DOCK7: variants seen among roughly 807,000 people sequenced by gnomAD.
DOCK7 encodes dedicator of cytokinesis 7.
DOCK7 carries 138 observed loss-of-function variants against 271.0 expected under a neutral mutation model. The observed-to-expected ratio is 0.51, with a 90% confidence interval of 0.44 to 0.59. DOCK7 has a LOEUF of 0.59. DOCK7 is among the 20% of genes least tolerant of loss of function. DOCK7 has a pLI of 0.00. For synonymous variants in DOCK7, 823 were observed against 876.1 expected (o/e 0.94, Z 1.07); for missense variants, 2,066 against 2,592.4 (o/e 0.80, Z 4.41).
At chr1:62,670,289 A>ACTGGCAGGCAGCT (rs1659821067) in intron 1 of DOCK7, among the ~76,000 whole-genome samples, 1 of 152,268 alleles carries the variant, frequency 6.6e-6, no homozygotes, top group Non-Finnish European at 1.5e-5. Context: ...ACGGCGCAGG[A>ACTGGCAGGCAGCT]CTGGCAGGCA....
At chr1:62,486,580 C>T (rs115429414) in intron 43 of DOCK7, 22 of 152,020 alleles carry the variant, frequency 1.4e-4, no homozygotes, top group African/African-American at 3.9e-4. Context: ...GCATTTTTTT[C>T]GGGTAAGATT....
chr1:62,533,778 T>G lies in DOCK7; in HGVS notation c.3611+1715A>C, dbSNP rs569020248. Among the ~76,000 whole-genome samples, 4 of 152,324 alleles carry G rather than the reference T, an allele frequency of 2.6e-5. No homozygotes were observed. In the East Asian group the frequency reaches 5.8e-4, roughly 22 times the overall value. Reference sequence around the variant, plus strand: ...TGCCCCTGACATACTGCTAAGAACTTGACATACCTCCTCTTTTATTCATTC... The same window carrying G: ...TGCCCCTGACATACTGCTAAGAACTGGACATACCTCCTCTTTTATTCATTC... On this transcript the variant is annotated intron_variant, in intron 29 of 49. Transcript: ENST00000635253.
chr1:62,561,079 G>T (rs1383941916), intron 19 of DOCK7, among the ~76,000 whole-genome samples: 1 of 152,132 alleles, frequency 6.6e-6, no homozygotes, highest in African/African-American at 2.4e-5. Flanking sequence ...AGGGTAAGAT[G>T]ACATACAGTA....
chr1:62,474,355 T>C (rs1404487178), intron 47 of DOCK7, among the ~76,000 whole-genome samples: 1 of 152,250 alleles, frequency 6.6e-6, no homozygotes, highest in African/African-American at 2.4e-5. Context: ...TGTTCATTAA[T>C]GTATTTTGCT....
chr1:62,605,221 A>G (rs1439291874), intron 14 of DOCK7: 2 of 185,864 alleles, frequency 1.1e-5, no homozygotes, highest in Non-Finnish European at 2.3e-5. Flanking sequence ...TCTAAACTTG[A>G]CTAAATACAG....
intron 18 of DOCK7, among the ~76,000 whole-genome samples, chr1:62,563,817 G>C (rs1238161763): frequency 6.0e-5 from 7 of 116,018 alleles, no homozygotes; most frequent in African/African-American, 2.3e-4. Flanking sequence ...CATGGCCAAA[G>C]GCACACATAG....
chr1:62,545,094 C>T (rs766957304), intron 22 of DOCK7, 55 bp from the exon 23 acceptor site: 12 of 1,396,484 alleles, frequency 8.6e-6, no homozygotes, highest in Non-Finnish European at 9.7e-6. Context: ...ATGTTGCATG[C>T]TATAAATTAT....
At chr1:62,558,941 T>C (rs781735273) in intron 20 of DOCK7, 48 bp downstream of exon 20, 13 of 1,428,860 alleles carry the variant, frequency 9.1e-6, no homozygotes, top group Admixed American at 2.1e-5. Context: ...AATTTAGAAA[T>C]GTCAAGTTAT....
At chr1:62,637,336 A>G (rs1655402952) in intron 7 of DOCK7, among the ~76,000 whole-genome samples, 1 of 152,216 alleles carries the variant, frequency 6.6e-6, no homozygotes, top group African/African-American at 2.4e-5. Flanking sequence ...CATCTAGTAA[A>G]TATTTGTTGA....
intron 29 of DOCK7, among the ~76,000 whole-genome samples, chr1:62,529,866 C>T (rs1392895643): frequency 3.3e-5 from 5 of 152,016 alleles, no homozygotes; most frequent in African/African-American, 9.7e-5. Flanking sequence ...TTCCCTTTTT[C>T]GGAAAGAAAA....
chr1:62,506,951 A>AATAAATAC (rs1484511488), intron 35 of DOCK7, among the ~76,000 whole-genome samples: 3 of 148,904 alleles, frequency 2.0e-5, no homozygotes, highest in African/African-American at 4.9e-5. Context: ...CCACCTCAAA[A>AATAAATAC]ATAAATAAAT....
At chr1:62,553,544 CTCTTT>C (rs1349964440) in intron 21 of DOCK7, among the ~76,000 whole-genome samples, 1 of 149,452 alleles carries the variant, frequency 6.7e-6, no homozygotes, top group Non-Finnish European at 1.5e-5. Context: ...AAATTTCTCT[CTCTTT>C]TTTTTGTAGA....
At chr1:62,665,751 A>C (rs1296524497) in intron 1 of DOCK7, among the ~76,000 whole-genome samples, 1 of 151,128 alleles carries the variant, frequency 6.6e-6, no homozygotes, top group African/African-American at 2.4e-5. Flanking sequence ...GACACAAAAT[A>C]AACTTTCTAC....
intron 29 of DOCK7, among the ~76,000 whole-genome samples, chr1:62,533,179 A>G (rs994915322): frequency 6.6e-6 from 1 of 152,052 alleles, no homozygotes; most frequent in African/African-American, 2.4e-5. Context: ...TGCTCCTTAA[A>G]ACCAAAAATA....
At chr1:62,639,306 T>G (rs979446029) in intron 7 of DOCK7, among the ~76,000 whole-genome samples, 1 of 151,946 alleles carries the variant, frequency 6.6e-6, no homozygotes, top group Non-Finnish European at 1.5e-5. Flanking sequence ...GGTGGGAGGA[T>G]CGCTTGAGGC....
At chr1:62,626,401 GA>G (rs1425222237) in intron 11 of DOCK7, among the ~76,000 whole-genome samples, 4 of 150,674 alleles carry the variant, frequency 2.7e-5, no homozygotes, top group African/African-American at 7.3e-5. Flanking sequence ...AAGGAAAATA[GA>G]AACTATAAAA....
intron 44 of DOCK7, chr1:62,476,880 A>G (rs1645983704): frequency 6.6e-6 from 1 of 152,248 alleles, no homozygotes; most frequent in African/African-American, 2.4e-5. Context: ...AAAAAGTCAC[A>G]GTTTGAGCCA....
chr1:62,493,204 C>T (rs938185019), intron 40 of DOCK7, among the ~76,000 whole-genome samples: 3 of 151,916 alleles, frequency 2.0e-5, no homozygotes, highest in Non-Finnish European at 4.4e-5. Flanking sequence ...AAAAAGGGTA[C>T]AAAAATGGTC....
At chr1:62,457,486 A>G in intron 49 of DOCK7, 52 bp downstream of exon 49, 2 of 1,548,974 alleles carry the variant, frequency 1.3e-6, no homozygotes. Context: ...CTAGTTTAAC[A>G]TGTTAGGTTT....
Sources: gnomAD v4.1 joint callset for allele counts (sites outside exome capture counted in the v4.1 genomes callset) on GRCh38, gnomAD v4.1.1 for gene constraint, MANE v1.5 for transcripts, NCBI Gene and HGNC (gene_info 2026-07-23, HGNC 2026-07-21) for gene names.